Variants in CNTN4 observed in about 807,000 individuals in gnomAD.
The protein encoded by CNTN4 is contactin 4.
A neutral mutation model predicts 122.5 loss-of-function variants in CNTN4; 77 were observed. The ratio of observed to expected loss-of-function variants is 0.63; its 90% CI spans 0.52 to 0.76. The LOEUF (loss-of-function observed/expected upper bound fraction) is 0.76, where lower values mean the gene tolerates loss of function less well. Among genes scored for constraint, CNTN4 ranks in the 30% least tolerant of loss-of-function variants. CNTN4 has a pLI of 0.00. For synonymous variants in CNTN4, 512 were observed against 447.0 expected (o/e 1.15, Z -1.83); for missense variants, 1,256 against 1,259.1 (o/e 1.00, Z 0.04).
At chr3:2,227,207 C>G (rs1157960616) in intron 2 of CNTN4, among the ~76,000 whole-genome samples, 1 of 152,110 alleles carries the variant, frequency 6.6e-6, no homozygotes, top group Non-Finnish European at 1.5e-5. Context: ...TTGCAAACTT[C>G]TATTATTTAT....
At chr3:2,185,073 C>T (rs1010061376) in intron 2 of CNTN4, among the ~76,000 whole-genome samples, 3 of 152,154 alleles carry the variant, frequency 2.0e-5, no homozygotes, top group Non-Finnish European at 4.4e-5. Context: ...TCAGTGTCCA[C>T]ACCACTCAAA....
chr3:2,489,005 T>A (rs112036957), intron 3 of CNTN4, among the ~76,000 whole-genome samples: 44 of 152,208 alleles, frequency 2.9e-4, no homozygotes, highest in African/African-American at 9.2e-4. Context: ...TACAGAAACA[T>A]GCTGCTTTCC....
intron 3 of CNTN4, among the ~76,000 whole-genome samples, chr3:2,409,649 G>T (rs1425987065): frequency 1.3e-5 from 2 of 151,920 alleles, no homozygotes; most frequent in Non-Finnish European, 2.9e-5. Flanking sequence ...TAACTTTGTG[G>T]TTAATATTTT....
At chr3:2,332,229 A>G (rs1029227276) in intron 2 of CNTN4, among the ~76,000 whole-genome samples, 7 of 152,188 alleles carry the variant, frequency 4.6e-5, no homozygotes, top group African/African-American at 1.7e-4. Context: ...ATGGTTTTTA[A>G]TGTGTTCCCT....
At chr3:2,988,750 C>G (rs991891939) in intron 14 of CNTN4, 9 of 378,142 alleles carry the variant, frequency 2.4e-5, no homozygotes, top group Non-Finnish European at 4.4e-5. Flanking sequence ...TATCTTCAAT[C>G]CTTTAATTAA....
rs542717404 is a variant in CNTN4 at position 2,839,652 on chromosome 3, TG to T, written c.454+20074del. 2.6e-5 allele frequency among the ~76,000 whole-genome samples: 4 copies of T among 152,296 alleles called. No homozygotes were observed. The South Asian group carries it at 8.3e-4, about 32-fold the overall frequency. On this transcript the variant is annotated intron_variant, in intron 7 of 24. Coordinates refer to ENST00000418658, the MANE Select transcript of CNTN4 (RefSeq NM_175607.3). ...GAACCAGATGTAAGATAATAGGGGT[TG>T]GGAAGACCCTGAGGAAGTAAAGAGT...
At chr3:2,231,135 A>G (rs1381523807) in intron 2 of CNTN4, among the ~76,000 whole-genome samples, 2 of 152,246 alleles carry the variant, frequency 1.3e-5, no homozygotes, top group African/African-American at 4.8e-5. Context: ...AAAAAATATT[A>G]TCATTCAACT....
intron 3 of CNTN4, among the ~76,000 whole-genome samples, chr3:2,482,882 C>T (rs1297893113): frequency 6.6e-6 from 1 of 152,180 alleles, no homozygotes; most frequent in Non-Finnish European, 1.5e-5. Flanking sequence ...GGGACAAAGC[C>T]CTCATGGAGA....
intron 4 of CNTN4, among the ~76,000 whole-genome samples, chr3:2,577,540 G>A (rs1035498700): frequency 6.6e-6 from 1 of 152,154 alleles, no homozygotes; most frequent in Non-Finnish European, 1.5e-5. Context: ...TACAATGAAG[G>A]AGTTGAACAG....
intron 2 of CNTN4, among the ~76,000 whole-genome samples, chr3:2,139,533 G>C (rs1184578202): frequency 6.6e-6 from 1 of 152,168 alleles, no homozygotes; most frequent in Non-Finnish European, 1.5e-5. Flanking sequence ...ATAACATAAT[G>C]AAAAGGAATG....
intron 11 of CNTN4, 150 bp downstream of exon 11, chr3:2,900,971 T>C: frequency 9.9e-7 from 1 of 1,010,648 alleles, no homozygotes; most frequent in Non-Finnish European, 1.5e-6. Context: ...TGAATGCAAT[T>C]GATAAATAGA....
intron 2 of CNTN4, among the ~76,000 whole-genome samples, chr3:2,290,996 T>G (rs1421869864): frequency 6.6e-6 from 1 of 152,202 alleles, no homozygotes; most frequent in African/African-American, 2.4e-5. Context: ...AGCTGCATTT[T>G]TTAAAAGAAT....
chr3:2,594,487 C>T (rs889463499), intron 4 of CNTN4, among the ~76,000 whole-genome samples: 3 of 147,658 alleles, frequency 2.0e-5, no homozygotes, highest in Non-Finnish European at 4.4e-5. Flanking sequence ...GGCACGATCT[C>T]GGCTCACTGC....
intron 3 of CNTN4, among the ~76,000 whole-genome samples, chr3:2,403,196 A>G (rs922065595): frequency 2.0e-5 from 3 of 152,048 alleles, no homozygotes; most frequent in Non-Finnish European, 2.9e-5. Context: ...GATGCCAGCC[A>G]TATTTGATTA....
chr3:2,593,860 T>C (rs2080625180), intron 4 of CNTN4, among the ~76,000 whole-genome samples: 1 of 152,164 alleles, frequency 6.6e-6, no homozygotes, highest in Non-Finnish European at 1.5e-5. Context: ...GTCAAATATA[T>C]TGCATTTCCT....
intron 3 of CNTN4, among the ~76,000 whole-genome samples, chr3:2,569,810 A>T (rs1423843449): frequency 8.5e-5 from 13 of 152,156 alleles, no homozygotes; most frequent in Admixed American, 8.5e-4. Flanking sequence ...CTCATCTTTC[A>T]GACCCCAAGG....
Position 2,708,598 on chromosome 3 carries a change from G to T in CNTN4, c.56-27617G>T, listed in dbSNP as rs988263608. ...ATGGGACTGAGGCTCTAAAACTGTG[G>T]CCTGATGTCCCACATCATGAATATT... On this transcript the variant is annotated intron_variant, in intron 4 of 24. Transcript: ENST00000418658. Among the ~76,000 whole-genome samples the T allele has an allele frequency of 2.0e-5, 3 of 152,276 alleles. No homozygotes were observed. The East Asian group carries it at 5.8e-4, about 29-fold the overall frequency.
At chr3:2,635,109 C>T (rs1020140632) in intron 4 of CNTN4, among the ~76,000 whole-genome samples, 1 of 151,998 alleles carries the variant, frequency 6.6e-6, no homozygotes, top group South Asian at 2.1e-4. Context: ...AGCGATGTTG[C>T]TGTATTACAC....
At chr3:2,877,160 C>T (rs892038403) in intron 8 of CNTN4, among the ~76,000 whole-genome samples, 3 of 152,226 alleles carry the variant, frequency 2.0e-5, no homozygotes, top group African/African-American at 7.2e-5. Context: ...TGCCCCATTA[C>T]TAAGCCATGT....
Sources: allele counts gnomAD v4.1 joint callset (sites outside exome capture counted in the v4.1 genomes callset), GRCh38; gene constraint gnomAD v4.1.1; transcripts MANE v1.5; gene names NCBI Gene and HGNC (gene_info 2026-07-23, HGNC 2026-07-21).